The following ARHGEF7 variants were observed in gnomAD, a reference collection of about 807,000 sequenced individuals.
ARHGEF7 encodes the protein Rho guanine nucleotide exchange factor 7, also known as PAK-interacting exchange factor beta.
A neutral mutation model predicts 109.8 loss-of-function variants in ARHGEF7; 33 were observed. The ratio of observed to expected loss-of-function variants is 0.30; its 90% CI spans 0.23 to 0.40. The LOEUF (loss-of-function observed/expected upper bound fraction) is 0.40, where lower values mean the gene tolerates loss of function less well. Ranked by LOEUF, ARHGEF7 falls within the 10% of genes least tolerant of loss-of-function variation. ARHGEF7 has a pLI of 1.00. For missense variants in ARHGEF7, 938 were observed against 1,098.5 expected (o/e 0.85, Z 2.07); for synonymous variants, 458 against 424.6 (o/e 1.08, Z -0.97).
intron 8 of ARHGEF7, among the ~76,000 whole-genome samples, chr13:111,256,993 T>G (rs1356692453): frequency 6.6e-6 from 1 of 152,254 alleles, no homozygotes; most frequent in Non-Finnish European, 1.5e-5. Flanking sequence ...AATTTTTGCT[T>G]CTTGAAAACA....
rs953086116 is a variant in ARHGEF7, at chr13:111,131,965, G to A, written c.165+16274G>A. 3.3e-5 allele frequency among the ~76,000 whole-genome samples: 5 copies of A among 152,172 alleles called. No individual in the cohort carries two copies. Among genetic ancestry groups the A allele is most frequent in the East Asian group, 1.9e-4 (1 of 5,192 alleles). On this transcript the variant is annotated intron_variant, in intron 1 of 21. Transcript: ENST00000646102. This position sits in a 1 kb window ranked among gnomAD's most constrained non-coding sequence, Gnocchi z 4.4. ...GAGAGAGGGGTGGACTCAGTGAGGG[G>A]GTGGACCGTGAGCCCTGTGGAAACC...
chr13:111,299,603 A>T lies in ARHGEF7; in HGVS notation c.2312-1145A>T, dbSNP rs549471538. ...GTGATCCACCCGCCTCCGCCTCCCA[A>T]AGTGCTGGGATTACAGGCGTGAGCC... On this transcript the variant is annotated intron_variant, in intron 19 of 21. Transcript: ENST00000646102. 7.2e-5 allele frequency among the ~76,000 whole-genome samples: 11 copies of T among 152,216 alleles called. No homozygotes were observed. The South Asian group carries it at 2.1e-3, about 29-fold the overall frequency.
chr13:111,302,485 G>A (rs1368449820), intron 21 of ARHGEF7, among the ~76,000 whole-genome samples: 1 of 152,200 alleles, frequency 6.6e-6, no homozygotes, highest in Non-Finnish European at 1.5e-5. Flanking sequence ...TTGCCTGGCT[G>A]GCAGGCTTCC....
chr13:111,293,771 C>T (rs1322048773), intron 19 of ARHGEF7: 36 of 985,276 alleles, frequency 3.7e-5, no homozygotes, highest in Non-Finnish European at 4.0e-5. Context: ...TTTCTTTCTT[C>T]CCCACTGCCC....
chr13:111,225,007 A>G (rs1473433964), intron 5 of ARHGEF7, among the ~76,000 whole-genome samples: 1 of 152,202 alleles, frequency 6.6e-6, no homozygotes, highest in Non-Finnish European at 1.5e-5. Context: ...TAGGGAGCGT[A>G]TTATAGCATT....
chr13:111,177,417 A>G (rs987063514), intron 2 of ARHGEF7, among the ~76,000 whole-genome samples: 17 of 152,230 alleles, frequency 1.1e-4, no homozygotes, highest in Non-Finnish European at 2.5e-4. Context: ...AGCTGAGCTC[A>G]GGCGGGGTGT....
chr13:111,220,538 C>G (rs1469295293), intron 5 of ARHGEF7, among the ~76,000 whole-genome samples: 1 of 152,054 alleles, frequency 6.6e-6, no homozygotes, highest in Admixed American at 6.6e-5. Flanking sequence ...AAAATCCTCT[C>G]CAGTTGGAAG....
intron 1 of ARHGEF7, among the ~76,000 whole-genome samples, chr13:111,146,486 C>T (rs2075599639): frequency 1.3e-5 from 2 of 152,182 alleles, no homozygotes. Context: ...TGCACACTGA[C>T]GCTAGGCTCC....
intron 5 of ARHGEF7, among the ~76,000 whole-genome samples, chr13:111,218,260 G>A (rs1408578756): frequency 6.6e-6 from 1 of 152,010 alleles, no homozygotes; most frequent in East Asian, 1.9e-4. Flanking sequence ...GGTACTTTTG[G>A]CAGTGGTGTG....
chr13:111,262,430 C>CT (rs2153577125), intron 8 of ARHGEF7, among the ~76,000 whole-genome samples: 1 of 152,120 alleles, frequency 6.6e-6, no homozygotes, highest in South Asian at 2.1e-4. Context: ...GTGTGTGTGT[C>CT]TATCTCCACC....
At chr13:111,198,139 GGTT>G (rs2080773886) in intron 2 of ARHGEF7, among the ~76,000 whole-genome samples, 1 of 152,142 alleles carries the variant, frequency 6.6e-6, no homozygotes, top group African/African-American at 2.4e-5. Context: ...AAGAGTCGGG[GGTT>G]GTTAGCCCTT....
intron 12 of ARHGEF7, 184 bp downstream of exon 12, chr13:111,275,862 C>T: frequency 1.4e-6 from 1 of 709,036 alleles, no homozygotes. Context: ...AGGCTTAGAG[C>T]TGAGTGTGGA....
intron 2 of ARHGEF7, among the ~76,000 whole-genome samples, chr13:111,167,410 G>A (rs1304232080): frequency 6.6e-6 from 1 of 152,152 alleles, no homozygotes; most frequent in African/African-American, 2.4e-5. Flanking sequence ...CACACTCTCA[G>A]CTGGTGTTTC....
At position 111,289,468 on chromosome 13, in the gene ARHGEF7, G is replaced by T. The variant is rs572156684; in HGVS notation, c.2134+1025G>T. 1.2e-4 allele frequency among the ~76,000 whole-genome samples: 19 copies of T among 152,334 alleles called. No homozygotes were observed. The East Asian group carries it at 3.3e-3, about 26-fold the overall frequency. On this transcript the variant is annotated intron_variant, in intron 18 of 21. Coordinates refer to ENST00000646102, the MANE Select transcript of ARHGEF7 (RefSeq NM_001354046.2). The stretch of plus-strand genomic sequence containing the variant: ...CCCACAACAGCTGACATGTGGGCAC[G>T]TGCTGCTGGGGCCTCGGACACCACA...
chr13:111,147,136 T>C (rs554302848), intron 1 of ARHGEF7, among the ~76,000 whole-genome samples: 1 of 152,340 alleles, frequency 6.6e-6, no homozygotes, highest in Admixed American at 6.5e-5. Context: ...AAGGCTTTGC[T>C]GATTATAAAT....
chr13:111,250,589 C>T (rs1347394808), intron 8 of ARHGEF7, among the ~76,000 whole-genome samples: 2 of 152,156 alleles, frequency 1.3e-5, no homozygotes, highest in Non-Finnish European at 2.9e-5. Flanking sequence ...ACCAGCACTT[C>T]GTCAATTGTC....
chr13:111,275,760 G>C, intron 12 of ARHGEF7, 82 bp downstream of exon 12: 4 of 1,557,342 alleles, frequency 2.6e-6, no homozygotes, highest in Non-Finnish European at 3.5e-6. Context: ...GGCATCTCAA[G>C]CGATGAAAAA....
At chr13:111,125,561 C>A (rs1399793959) in intron 1 of ARHGEF7, among the ~76,000 whole-genome samples, 5 of 152,194 alleles carry the variant, frequency 3.3e-5, no homozygotes, top group African/African-American at 1.2e-4. Context: ...TTTGCGTGTT[C>A]TCTCGCCATG....
intron 9 of ARHGEF7, among the ~76,000 whole-genome samples, chr13:111,269,307 G>A (rs1481725480): frequency 6.6e-6 from 1 of 151,096 alleles, no homozygotes; most frequent in South Asian, 2.1e-4. Context: ...TTCAAGAATT[G>A]TTGATGGAGT....
Sources: gnomAD v4.1 joint callset for allele counts (sites outside exome capture counted in the v4.1 genomes callset) on GRCh38, gnomAD v4.1.1 for gene constraint, Gnocchi (gnomAD v3.1) non-coding constraint, MANE v1.5 for transcripts, NCBI Gene and HGNC (gene_info 2026-07-23, HGNC 2026-07-21) for gene names.